The following UNC13C variants were observed in gnomAD, a reference collection of about 807,000 sequenced individuals.
UNC13C encodes the protein unc-13 homolog C.
In UNC13C, 174 loss-of-function variants were observed where a neutral mutation model predicts 245.4. The ratio of observed to expected loss-of-function variants is 0.71; its 90% CI spans 0.63 to 0.80. The LOEUF is 0.80. UNC13C is among the 30% of genes least tolerant of loss of function. The pLI is 0.00. For missense variants in UNC13C, 2,829 were observed against 2,602.9 expected (o/e 1.09, Z -1.89); for synonymous variants, 992 against 895.1 (o/e 1.11, Z -1.93).
chr15:54,394,522 G>A (rs910955188), intron 18 of UNC13C, among the ~76,000 whole-genome samples: 2 of 151,710 alleles, frequency 1.3e-5, no homozygotes, highest in Admixed American at 6.6e-5. Context: ...TTGTAGAATA[G>A]AGTTGTGTTT....
the UNC13C span, among the ~76,000 whole-genome samples, chr15:53,929,068 G>T: frequency 6.6e-6 from 1 of 152,140 alleles, no homozygotes; most frequent in African/African-American, 2.4e-5. Flanking sequence ...AAAGGAAAGA[G>T]GTTTAATGGA....
At position 54,577,561 on chromosome 15, in the gene UNC13C, A is replaced by G. The variant is rs763053916; in HGVS notation, c.6106+9614A>G. On this transcript the variant is annotated intron_variant, in intron 30 of 32. Transcript: ENST00000260323. ...TCCTAAAAGGGAAGACTACGTTCAGATATTCCTTCTCCAGGCTCCCTCTGG... is the reference window on the plus strand; with the variant it reads ...TCCTAAAAGGGAAGACTACGTTCAGGTATTCCTTCTCCAGGCTCCCTCTGG... Among the ~76,000 whole-genome samples the G allele has an allele frequency of 1.6e-4, 24 of 152,132 alleles. 1 individual carries two copies. Among genetic ancestry groups the G allele is most frequent in the Admixed American group, 9.2e-4 (14 of 15,278 alleles).
intron 10 of UNC13C, among the ~76,000 whole-genome samples, chr15:54,286,367 T>C (rs1360781219): frequency 6.6e-6 from 1 of 152,130 alleles, no homozygotes; most frequent in Non-Finnish European, 1.5e-5. Context: ...TGAAGTATAT[T>C]TTAGTTGCTT....
At chr15:54,550,654 A>C (rs1350891424) in intron 28 of UNC13C, among the ~76,000 whole-genome samples, 2 of 152,162 alleles carry the variant, frequency 1.3e-5, no homozygotes, top group Non-Finnish European at 2.9e-5. Flanking sequence ...AAAACCAGTA[A>C]TCCATCTGGA....
At chr15:54,097,774 A>C (rs998732661) in intron 2 of UNC13C, among the ~76,000 whole-genome samples, 1 of 152,194 alleles carries the variant, frequency 6.6e-6, no homozygotes, top group Non-Finnish European at 1.5e-5. Context: ...TATGTGACTG[A>C]TATTCTTAGA....
the UNC13C span, among the ~76,000 whole-genome samples, chr15:53,891,761 T>G: frequency 6.6e-6 from 1 of 152,210 alleles, no homozygotes; most frequent in East Asian, 1.9e-4. Flanking sequence ...TGTCAATGCA[T>G]GTGAGATGGG....
intron 18 of UNC13C, among the ~76,000 whole-genome samples, chr15:54,396,646 C>T (rs2040075833): frequency 1.3e-5 from 2 of 151,418 alleles, no homozygotes; most frequent in African/African-American, 2.4e-5. Flanking sequence ...AATATTAAAA[C>T]TGCCAAACTG....
At chr15:54,466,866 A>C (rs1892200203) in intron 19 of UNC13C, among the ~76,000 whole-genome samples, 1 of 151,962 alleles carries the variant, frequency 6.6e-6, no homozygotes, top group Middle Eastern at 3.2e-3. Context: ...GCAAATAAGC[A>C]GTAAATAAAG....
chr15:54,282,612 C>T (rs906873742), intron 10 of UNC13C, among the ~76,000 whole-genome samples: 1 of 152,132 alleles, frequency 6.6e-6, no homozygotes, highest in Non-Finnish European at 1.5e-5. Flanking sequence ...GTTAGCAGCT[C>T]AGTTGGCCCC....
intron 4 of UNC13C, among the ~76,000 whole-genome samples, chr15:54,158,261 A>G (rs781762453): frequency 1.3e-5 from 2 of 152,236 alleles, no homozygotes; most frequent in African/African-American, 2.4e-5. Context: ...TGATGTTTGA[A>G]TGAATACCTG....
At chr15:54,353,580 T>C (rs2039031589) in intron 17 of UNC13C, among the ~76,000 whole-genome samples, 1 of 152,242 alleles carries the variant, frequency 6.6e-6, no homozygotes, top group Non-Finnish European at 1.5e-5. Context: ...CTGCTAAAAC[T>C]ATCTTAGCTC....
At chr15:54,239,011 G>A (rs544283790) in intron 7 of UNC13C, among the ~76,000 whole-genome samples, 4 of 152,222 alleles carry the variant, frequency 2.6e-5, no homozygotes, top group East Asian at 3.9e-4. Flanking sequence ...GTTCTGTTCC[G>A]GTAAATGTGT....
intron 4 of UNC13C, among the ~76,000 whole-genome samples, chr15:54,191,457 G>T (rs1328014629): frequency 6.6e-6 from 1 of 152,060 alleles, no homozygotes; most frequent in Non-Finnish European, 1.5e-5. Context: ...TCATTGATGG[G>T]CATTTGAGTT....
chr15:54,184,615 G>A (rs1438863850), intron 4 of UNC13C, among the ~76,000 whole-genome samples: 1 of 152,162 alleles, frequency 6.6e-6, no homozygotes, highest in African/African-American at 2.4e-5. Flanking sequence ...TTTTATGGCT[G>A]CATAGTATTC....
chr15:54,367,696 G>T (rs1178374814), intron 17 of UNC13C, among the ~76,000 whole-genome samples: 1 of 152,036 alleles, frequency 6.6e-6, no homozygotes, highest in Non-Finnish European at 1.5e-5. Flanking sequence ...CTTCATTCTG[G>T]AGTCCATTAT....
At chr15:54,564,962 T>C (rs887085467) in intron 29 of UNC13C, among the ~76,000 whole-genome samples, 7 of 152,014 alleles carry the variant, frequency 4.6e-5, no homozygotes, top group Admixed American at 4.6e-4. Flanking sequence ...TCTCCTTAGA[T>C]AGTGCCGAGA....
At chr15:54,246,961 G>T (rs1026013871) in intron 7 of UNC13C, among the ~76,000 whole-genome samples, 1 of 152,118 alleles carries the variant, frequency 6.6e-6, no homozygotes, top group Admixed American at 6.5e-5. Flanking sequence ...CACTCATTTT[G>T]CCAAATCCTG....
chr15:54,041,208 C>T (rs1252736578), intron 2 of UNC13C, among the ~76,000 whole-genome samples: 2 of 152,082 alleles, frequency 1.3e-5, no homozygotes, highest in Admixed American at 6.6e-5. Flanking sequence ...CTGCATTTGG[C>T]TTAGCATATG....
At chr15:54,508,403 C>G (rs1056000246) in intron 23 of UNC13C, among the ~76,000 whole-genome samples, 1 of 151,970 alleles carries the variant, frequency 6.6e-6, no homozygotes, top group African/African-American at 2.4e-5. Flanking sequence ...TATGTATTAA[C>G]ATTCTATATT....
Sources: allele counts gnomAD v4.1 joint callset (sites outside exome capture counted in the v4.1 genomes callset), GRCh38; gene constraint gnomAD v4.1.1; transcripts MANE v1.5; gene names NCBI Gene and HGNC (gene_info 2026-07-23, HGNC 2026-07-21).